Variants in SYT5 observed in about 807,000 individuals in gnomAD.
The protein encoded by SYT5 is synaptotagmin-5.
A neutral mutation model predicts 36.0 loss-of-function variants in SYT5; 29 were observed. That is an observed-to-expected ratio of 0.81 (90% confidence interval 0.60 to 1.10). SYT5 has a LOEUF of 1.10. SYT5 is among the 50% of genes least tolerant of loss of function. SYT5 has a pLI of 0.00. For synonymous variants in SYT5, 231 were observed against 227.6 expected, an observed-to-expected ratio of 1.02 and a Z score of -0.14; for missense variants, 512 against 516.0, an observed-to-expected ratio of 0.99 and a Z score of 0.08.
At position 55,176,101 on chromosome 19, in the gene SYT5, C is replaced by G; in HGVS notation, c.276G>C (p.Leu92=). ...IDKVQPEVEE[L]EPAPSGPGQQ... is the part of the protein sequence containing the mutation. ...GCCCTGGCCCGGATGGTGCTGGCTCCAGCTCCTCTACTTCTGGCTGCACCT... is the reference window on the plus strand; with the variant it reads ...GCCCTGGCCCGGATGGTGCTGGCTCGAGCTCCTCTACTTCTGGCTGCACCT... Residue 92 remains leucine (L), a synonymous_variant, in exon 4 of 9, where the codon CTG becomes CTC. Transcript: ENST00000354308. The G allele has an allele frequency of 6.2e-7, 1 of 1,614,166 alleles. No homozygotes were observed. The highest frequency in any genetic ancestry group is 8.5e-7 in the Non-Finnish European group (1 of 1,180,046).
At position 55,178,844 on chromosome 19, in the gene SYT5, C is replaced by A. The variant is rs12104357; in HGVS notation, c.79+119G>T. 6,514 of 1,141,788 alleles carry A rather than the reference C, an allele frequency of 5.7e-3. 284 individuals carry two copies. The African/African-American group carries it at 0.1, about 17-fold the overall frequency. The allele number at this position is 1,141,788 out of a possible 1,614,324, so 70.7% of individuals were successfully genotyped here. On this transcript the variant is annotated intron_variant, in intron 2 of 8. Coordinates refer to ENST00000354308, the MANE Select transcript of SYT5 (RefSeq NM_003180.3). ...CGCATTCCAGTCCAGGATGACGACC[C>A]GGGATCCCAGCCGGATTTTCCAGCC...
chr19:55,176,081 G>T lies in SYT5; in HGVS notation c.296C>A (p.Pro99Gln), dbSNP rs1318941677. The change falls in exon 4 of 9, where the codon CCA (proline) becomes CAA (glutamine). Residue 99 changes from proline (P) to glutamine (Q), a missense_variant. Coordinates refer to ENST00000354308, the MANE Select transcript of SYT5 (RefSeq NM_003180.3). ...ATGCTTGTCTGCCACCTGCTGCCCT[G>T]GCCCGGATGGTGCTGGCTCCAGCTC... is the stretch of plus-strand genomic sequence containing the variant. ...VEELEPAPSG[P>Q]GQQVADKHEL... 1.2e-6 allele frequency: 2 copies of T among 1,614,198 alleles called. No homozygotes were observed. Among genetic ancestry groups the T allele is most frequent in the South Asian group, 2.2e-5 (2 of 91,084 alleles).
chr19:55,178,540 G>A (rs1739412131), intron 2 of SYT5, among the ~76,000 whole-genome samples, 172 bp from the exon 3 acceptor site: 1 of 152,034 alleles, frequency 6.6e-6, no homozygotes, highest in South Asian at 2.1e-4. Flanking sequence ...GAGATTCGAT[G>A]CCCCAACCCA....
Position 55,172,997 on chromosome 19 carries a change from C to G in SYT5, c.*487G>C, listed in dbSNP as rs1216743736. 1.3e-5 allele frequency: 2 copies of G among 154,488 alleles called. No homozygotes were observed. Among genetic ancestry groups the G allele is most frequent in the Admixed American group, 1.3e-4 (2 of 15,320 alleles). The allele number at this position is 154,488 out of a possible 1,614,324, so 9.6% of individuals were successfully genotyped here. ...GTCTCTCAGAGGCTTTCAGGACGAA[C>G]AGCACTCACACCGCCCTGCGAGCGC... On this transcript the variant is annotated 3_prime_UTR_variant, in exon 9 of 9. Coordinates refer to ENST00000354308, the MANE Select transcript of SYT5 (RefSeq NM_003180.3).
At chr19:55,174,747 A>G in intron 7 of SYT5, 97 bp from the exon 8 acceptor site, 4 of 1,586,922 alleles carry the variant, frequency 2.5e-6, no homozygotes, top group East Asian at 2.2e-5. Context: ...CCCTAGCTCT[A>G]TGCCAAAATC....
At chr19:55,178,107 A>T in intron 3 of SYT5, 89 bp downstream of exon 3, 1 of 1,453,214 alleles carries the variant, frequency 6.9e-7, no homozygotes, top group South Asian at 1.4e-5. Flanking sequence ...CCTATAGGAC[A>T]GAAGGGAGCA....
rs780502130 is a variant in SYT5, at chr19:55,175,156, G to C, written c.708+16C>G. 4 of 1,583,756 alleles carry C rather than the reference G, an allele frequency of 2.5e-6. No homozygotes were observed. The African/African-American group carries it at 5.4e-5, about 21-fold the overall frequency. ...GGCCTGGGGGCGTGGCTCGGGGCGC[G>C]ACCGCGCATGCTCACCTCCTCCCGC... On this transcript the variant is annotated intron_variant, in intron 6 of 8. Transcript: ENST00000354308. The surrounding 1 kb of genome is among the most constrained non-coding windows in gnomAD (Gnocchi z 4.5).
At position 55,178,943 on chromosome 19, in the gene SYT5, C is replaced by T. The variant is rs1022248663; in HGVS notation, c.79+20G>A. The T allele has an allele frequency of 2.7e-6, 4 of 1,483,108 alleles. No individual in the cohort carries two copies. The highest frequency in any genetic ancestry group is 1.8e-6 in the Non-Finnish European group (2 of 1,117,866). The allele number at this position is 1,483,108 out of a possible 1,614,324, so 91.9% of individuals were successfully genotyped here. ...CAGGCTTTCTCTCTGCTCGGCCCCC[C>T]ACCCCCGGGTCTTGCTCACCTGGGC... On this transcript the variant is annotated intron_variant, in intron 2 of 8. Coordinates refer to ENST00000354308, the MANE Select transcript of SYT5 (RefSeq NM_003180.3).
chr19:55,176,819 G>A (rs912838362), intron 3 of SYT5, among the ~76,000 whole-genome samples: 2 of 152,126 alleles, frequency 1.3e-5, no homozygotes, highest in Non-Finnish European at 2.9e-5. Context: ...CATCCTTTAC[G>A]GATGCTAATT....
rs1452272713 is a variant in SYT5 at position 55,173,615 on chromosome 19, C to A, written c.1030G>T (p.Ala344Ser). 2.0e-6 allele frequency: 3 copies of A among 1,488,794 alleles called. No individual in the cohort carries two copies. Among genetic ancestry groups the A allele is most frequent in the South Asian group, 2.6e-5 (2 of 77,338 alleles). 92.2% of individuals were successfully genotyped at this position (1,488,794 alleles called of 1,614,324 possible). The change falls in exon 9 of 9, where the codon GCC becomes TCC. Residue 344 changes from alanine (A) to serine (S), a missense_variant. Ala to Ser is a moderately conservative substitution (Grantham distance 99). Coordinates refer to ENST00000354308, the MANE Select transcript of SYT5 (RefSeq NM_003180.3). This position sits in a 1 kb window ranked among gnomAD's most constrained non-coding sequence, Gnocchi z 5.4. The stretch of plus-strand genomic sequence containing the variant: ...GCCCCGCCGGCGGCCGCCCCCACGG[C>A]CACCCTCCCGATGGCCTCGTTCTTG... ...LGKNEAIGRV[A>S]VGAAAGGAGL...
In SYT5 at chr19:55,179,856, A is replaced by T. The variant is rs930767979; in HGVS notation, c.-46+261T>A. ...CGTCTTCCCTGTGTCTGCCTCCCCA[A>T]CCCGCCTGTCTCTCTTCCCTATCGC... is the stretch of plus-strand genomic sequence containing the variant. On this transcript the variant is annotated intron_variant, in intron 1 of 8. Transcript: ENST00000354308. This position sits in a 1 kb window ranked among gnomAD's most constrained non-coding sequence, Gnocchi z 4.5. 1 of 150,654 alleles carries T rather than the reference A, an allele frequency of 6.6e-6. No homozygotes were observed. Among genetic ancestry groups the T allele is most frequent in the South Asian group, 2.1e-4 (1 of 4,698 alleles). The allele number at this position is 150,654 out of a possible 1,614,324, so 9.3% of individuals were successfully genotyped here. A position where few individuals can be genotyped will look rare whatever the true frequency, so the allele number is the denominator to read the frequency against.
intron 3 of SYT5, chr19:55,176,399 A>G: frequency 2.1e-6 from 1 of 484,092 alleles, no homozygotes; most frequent in South Asian, 2.5e-5. Context: ...AAGTGCTGAT[A>G]GTGTCCCATT....
In SYT5 at chr19:55,175,316, G is replaced by GC; in HGVS notation, c.563dup (p.Arg189GlnfsTer17). 1 of 1,549,520 alleles carries GC rather than the reference G, an allele frequency of 6.5e-7. No individual in the cohort carries two copies. Among genetic ancestry groups the GC allele is most frequent in the Non-Finnish European group, 8.7e-7 (1 of 1,149,962 alleles). ...CGTACACCGCCATGACCAGCACCCT[G>GC]CCCCCCAGCTCCACGTAGGGGACCT... On this transcript the variant is annotated frameshift_variant, in exon 6 of 9. Coordinates refer to ENST00000354308, the MANE Select transcript of SYT5 (RefSeq NM_003180.3). LOFTEE classifies it high-confidence loss of function. This position sits in a 1 kb window ranked among gnomAD's most constrained non-coding sequence, Gnocchi z 4.5.
At chr19:55,178,526 T>C (rs2086103804) in intron 2 of SYT5, among the ~76,000 whole-genome samples, 158 bp from the exon 3 acceptor site, 1 of 152,168 alleles carries the variant, frequency 6.6e-6, no homozygotes, top group Admixed American at 6.5e-5. Flanking sequence ...ATGTGGCCTA[T>C]AGAGAGATTC....
intron 2 of SYT5, among the ~76,000 whole-genome samples, chr19:55,178,753 A>AGTTTTTTT (rs2086106681): frequency 2.0e-5 from 1 of 50,472 alleles, no homozygotes; most frequent in African/African-American, 9.7e-5. Flanking sequence ...TCCGGTTTCG[A>AGTTTTTTT]TTTTTTTTTT....
Position 55,174,951 on chromosome 19 carries a change from C to A in SYT5, c.757G>T (p.Ala253Ser). 6.2e-7 allele frequency: 1 copy of A among 1,614,176 alleles called. No homozygotes were observed. The highest frequency in any genetic ancestry group is 8.5e-7 in the Non-Finnish European group (1 of 1,180,024). Residue 253 changes from alanine (A) to serine (S), a missense_variant, in exon 7 of 9, where the codon GCC becomes TCC. Ala to Ser is a moderately conservative substitution (Grantham distance 99). Transcript: ENST00000354308. Reference sequence around the variant, plus strand: ...AGGACGATGACGGTGAGCTTCCCGGCCGTGGGGACATAGCGGAGGGAGAAG... The same window carrying A: ...AGGACGATGACGGTGAGCTTCCCGGACGTGGGGACATAGCGGAGGGAGAAG... ...ICFSLRYVPT[A>S]GKLTVIVLEA...
Position 55,178,308 on chromosome 19 carries a change from C to T in SYT5, c.140G>A (p.Cys47Tyr), listed in dbSNP as rs1027690294. 1.2e-6 allele frequency: 2 copies of T among 1,612,202 alleles called. No individual in the cohort carries two copies. Among genetic ancestry groups the T allele is most frequent in the East Asian group, 2.2e-5 (1 of 44,820 alleles). Residue 47 changes from cysteine to tyrosine, a missense_variant, in exon 3 of 9, where the codon TGT (cysteine) becomes TAT (tyrosine). Transcript: ENST00000354308. ...ACAGCTCTTCCGGTAGAGACAGAAA[C>T]AGCAGCTGAAGATGAGGAGGCCTGA... ...LVSGLLIFSCCFCLYRKSCRR... is the reference protein window; with the variant it reads ...LVSGLLIFSCYFCLYRKSCRR...
In SYT5 at chr19:55,179,100, C is replaced by T. The variant is rs761207165; in HGVS notation, c.-45-14G>A. The T allele has an allele frequency of 6.4e-7, 1 of 1,558,562 alleles. No individual in the cohort carries two copies. The highest frequency in any genetic ancestry group is 1.2e-5 in the South Asian group (1 of 84,858). ...CACTCAAGCACCCTAGTCCCCCATTCCCACCCCAGACGTCCTTTGAGCCCC... is the reference window on the plus strand; with the variant it reads ...CACTCAAGCACCCTAGTCCCCCATTTCCACCCCAGACGTCCTTTGAGCCCC... On this transcript the variant is annotated splice_polypyrimidine_tract_variant and intron_variant, in intron 1 of 8. Coordinates refer to ENST00000354308, the MANE Select transcript of SYT5 (RefSeq NM_003180.3). The surrounding 1 kb of genome is among the most constrained non-coding windows in gnomAD (Gnocchi z 4.5).
rs2086112704 is a variant in SYT5 at position 55,179,007 on chromosome 19, G to C, written c.35C>G (p.Ser12Trp). 2 of 1,599,452 alleles carry C rather than the reference G, an allele frequency of 1.3e-6. No individual in the cohort carries two copies. Among genetic ancestry groups the C allele is most frequent in the East Asian group, 2.3e-5 (1 of 43,732 alleles). ...FPEPPTPGPP[S>W]PDTPPDSSRI... Reference sequence around the variant, plus strand: ...ACTGGAGTCGGGAGGCGTGTCGGGCGATGGAGGCCCCGGGGTTGGGGGCTC... The same window carrying C: ...ACTGGAGTCGGGAGGCGTGTCGGGCCATGGAGGCCCCGGGGTTGGGGGCTC... Residue 12 changes from serine (S) to tryptophan (W), a missense_variant, in exon 2 of 9, where the codon TCG becomes TGG. Transcript: ENST00000354308. This position sits in a 1 kb window ranked among gnomAD's most constrained non-coding sequence, Gnocchi z 4.5.
Sources: allele counts gnomAD v4.1 joint callset (sites outside exome capture counted in the v4.1 genomes callset), GRCh38; gene constraint gnomAD v4.1.1; non-coding constraint Gnocchi (gnomAD v3.1); transcripts MANE v1.5; gene names NCBI Gene and HGNC (gene_info 2026-07-23, HGNC 2026-07-21).